Variants in DOCK3 observed in about 807,000 individuals in gnomAD.
DOCK3 encodes the protein dedicator of cytokinesis 3.
A neutral mutation model predicts 265.6 loss-of-function variants in DOCK3; 60 were observed. The observed-to-expected ratio is 0.23, with a 90% CI of 0.18 to 0.28. DOCK3 has a LOEUF of 0.28. Among genes scored for constraint, DOCK3 ranks in the 10% least tolerant of loss-of-function variants. The probability of loss-of-function intolerance (pLI) is 1.00; values close to 1 mark genes in which losing one functional copy is unlikely to be tolerated. For synonymous variants in DOCK3, 881 were observed against 938.0 expected (o/e 0.94, Z 1.11); for missense variants, 1,981 against 2,594.3 (o/e 0.76, Z 5.14).
chr3:51,380,139 C>T lies in DOCK3; in HGVS notation c.5515C>T (p.His1839Tyr), dbSNP rs1553618061. Residue 1839 changes from histidine (H) to tyrosine (Y), a missense_variant, in exon 52 of 53, where the codon CAC becomes TAC. Physicochemically the swap from His to Tyr is moderately conservative, Grantham distance 83. This residue lies in a region of DOCK3 where 1,357 missense variants were observed against 1,866.8 expected (regional missense o/e 0.73). Coordinates refer to ENST00000266037, the MANE Select transcript of DOCK3 (RefSeq NM_004947.5). ...SVAEKGHYSLHFDAFHHPLGD... is the reference protein window; with the variant it reads ...SVAEKGHYSLYFDAFHHPLGD... ...TCCCTTTGCAGGTCATTACTCCCTA[C>T]ACTTTGACGCCTTCCACCACCCTCT... is the stretch of plus-strand genomic sequence containing the variant. 3 of 1,613,700 alleles carry T rather than the reference C, an allele frequency of 1.9e-6. No individual in the cohort carries two copies. In the East Asian group the frequency reaches 6.7e-5, roughly 36 times the overall value.
At chr3:50,736,862 A>G (rs1204015892) in intron 1 of DOCK3, among the ~76,000 whole-genome samples, 1 of 151,656 alleles carries the variant, frequency 6.6e-6, no homozygotes, top group African/African-American at 2.4e-5. Context: ...ATGCCCGGCT[A>G]ATTTTTTGTA....
chr3:51,204,767 A>G (rs1252530750), intron 12 of DOCK3, among the ~76,000 whole-genome samples: 1 of 151,894 alleles, frequency 6.6e-6, no homozygotes, highest in Non-Finnish European at 1.5e-5. Flanking sequence ...GAACCAACCC[A>G]AATGTACAAC....
chr3:51,361,590 T>C lies in DOCK3; in HGVS notation c.5007-269T>C, dbSNP rs575099651. 6.6e-6 allele frequency among the ~76,000 whole-genome samples: 1 copy of C among 152,264 alleles called. No individual in the cohort carries two copies. The highest frequency in any genetic ancestry group is 2.1e-4 in the South Asian group (1 of 4,828). ...TCCTCCTGAGAAACTGCTAATGTCATGCAACTGAGTGGCCATAAGCCATGT... is the reference window on the plus strand; with the variant it reads ...TCCTCCTGAGAAACTGCTAATGTCACGCAACTGAGTGGCCATAAGCCATGT... On this transcript the variant is annotated intron_variant, in intron 47 of 52. Transcript: ENST00000266037. The surrounding 1 kb of genome is among the most constrained non-coding windows in gnomAD (Gnocchi z 4.2).
intron 33 of DOCK3, among the ~76,000 whole-genome samples, chr3:51,332,161 G>A (rs559368722): frequency 5.3e-5 from 8 of 152,306 alleles, no homozygotes; most frequent in African/African-American, 1.9e-4. Flanking sequence ...TGCCACCCCA[G>A]GTGACTCTCA....
chr3:51,129,918 T>C (rs2084442725), intron 9 of DOCK3, among the ~76,000 whole-genome samples: 1 of 152,122 alleles, frequency 6.6e-6, no homozygotes, highest in Non-Finnish European at 1.5e-5. Flanking sequence ...CTCAAAACGG[T>C]CAGGTCACTT....
At chr3:51,079,874 G>T (rs758969546) in intron 7 of DOCK3, among the ~76,000 whole-genome samples, 4 of 152,110 alleles carry the variant, frequency 2.6e-5, no homozygotes, top group Admixed American at 6.5e-5. Context: ...CTAAACTGTG[G>T]CAAGATCTAA....
In DOCK3 at chr3:51,275,182, C is replaced by T; in HGVS notation, c.2652C>T (p.Phe884=). 2 of 1,614,012 alleles carry T rather than the reference C, an allele frequency of 1.2e-6. No homozygotes were observed. Among genetic ancestry groups the T allele is most frequent in the Non-Finnish European group, 1.7e-6 (2 of 1,179,882 alleles). ...GCTCAGGGATTCTTGGCAGCATCTT[C>T]TCCATCGTCAAGACCAGCTCTCTGG... is the stretch of plus-strand genomic sequence containing the variant. ...LICSGILGSI[F]SIVKTSSLEA... The change falls in exon 25 of 53, where the codon TTC becomes TTT. Residue 884 remains phenylalanine (F), a synonymous_variant. Transcript: ENST00000266037.
intron 22 of DOCK3, among the ~76,000 whole-genome samples, chr3:51,247,222 A>T (rs1003965726): frequency 1.3e-5 from 2 of 152,244 alleles, no homozygotes; most frequent in Non-Finnish European, 2.9e-5. Flanking sequence ...AAGTAAAAAG[A>T]GCTGAGTGGA....
intron 9 of DOCK3, among the ~76,000 whole-genome samples, chr3:51,126,369 G>A (rs1320245989): frequency 6.6e-6 from 1 of 152,098 alleles, no homozygotes; most frequent in South Asian, 2.1e-4. Context: ...TGGCATCGGG[G>A]GCCAAGCATG....
chr3:51,083,149 A>G (rs1319190059), intron 7 of DOCK3, among the ~76,000 whole-genome samples: 1 of 152,066 alleles, frequency 6.6e-6, no homozygotes, highest in African/African-American at 2.4e-5. Flanking sequence ...TCTACTAACA[A>G]CCACAGTCTA....
intron 4 of DOCK3, among the ~76,000 whole-genome samples, chr3:50,917,174 A>C (rs2050173482): frequency 6.6e-6 from 1 of 152,068 alleles, no homozygotes; most frequent in Non-Finnish European, 1.5e-5. Context: ...TTTGGGTCTA[A>C]ATATTATTCT....
intron 4 of DOCK3, among the ~76,000 whole-genome samples, chr3:50,892,967 C>A (rs2048711046): frequency 6.6e-6 from 1 of 152,064 alleles, no homozygotes; most frequent in Non-Finnish European, 1.5e-5. Context: ...AAGAGATGGG[C>A]AGCTTACTGT....
intron 1 of DOCK3, among the ~76,000 whole-genome samples, chr3:50,687,553 G>A (rs1022960903): frequency 7.9e-5 from 12 of 152,198 alleles, no homozygotes; most frequent in Non-Finnish European, 1.0e-4. Flanking sequence ...TATGCTCTGC[G>A]TCCATTTCCT....
In DOCK3 at chr3:50,886,187, G is replaced by GATAT. The variant is rs141280910; in HGVS notation, c.163-3820_163-3817dup. Among the ~76,000 whole-genome samples the GATAT allele has an allele frequency of 7.4e-3, 985 of 132,746 alleles. 31 individuals carry two copies. In the South Asian group the frequency reaches 0.09, roughly 12 times the overall value. 87.1% of individuals were successfully genotyped at this position (132,746 alleles called of 152,430 possible). A position where few individuals can be genotyped will look rare whatever the true frequency, so the allele number is the denominator to read the frequency against. The stretch of plus-strand genomic sequence containing the variant: ...CTTTCAGAATATTTTTTATTTTGGA[G>GATAT]ATATATATATATATATATATATTCC... On this transcript the variant is annotated intron_variant, in intron 3 of 52. Transcript: ENST00000266037.
chr3:51,058,104 A>G (rs185546636), intron 5 of DOCK3, among the ~76,000 whole-genome samples: 1 of 152,290 alleles, frequency 6.6e-6, no homozygotes, highest in East Asian at 1.9e-4. Context: ...CAGCTGGGCT[A>G]GGTATCCAAG....
At chr3:51,312,966 C>A (rs1308243939) in intron 31 of DOCK3, 64 bp downstream of exon 31, 3 of 1,402,740 alleles carry the variant, frequency 2.1e-6, no homozygotes, top group Non-Finnish European at 3.0e-6. Flanking sequence ...AGTAGCAAGA[C>A]TAATAACATC....
intron 5 of DOCK3, among the ~76,000 whole-genome samples, chr3:50,991,774 A>T (rs990927122): frequency 7.2e-5 from 11 of 152,206 alleles, no homozygotes; most frequent in Admixed American, 7.2e-4. Context: ...CACCAAAAAA[A>T]AACAACAGAA....
At chr3:51,054,867 T>G (rs1413922854) in intron 5 of DOCK3, among the ~76,000 whole-genome samples, 1 of 152,208 alleles carries the variant, frequency 6.6e-6, no homozygotes, top group Non-Finnish European at 1.5e-5. Context: ...AAAATATTAA[T>G]TATTTTTTCT....
chr3:50,790,573 G>A (rs890111419), intron 2 of DOCK3, among the ~76,000 whole-genome samples: 1 of 150,208 alleles, frequency 6.7e-6, no homozygotes, highest in South Asian at 2.1e-4. Flanking sequence ...CTTCATTTAC[G>A]AAGCTTAGTT....
Sources: gnomAD v4.1 joint callset for allele counts (sites outside exome capture counted in the v4.1 genomes callset) on GRCh38, gnomAD v4.1.1 for gene constraint, gnomAD v4.1.1 regional missense constraint, Gnocchi (gnomAD v3.1) non-coding constraint, MANE v1.5 for transcripts, NCBI Gene and HGNC (gene_info 2026-07-23, HGNC 2026-07-21) for gene names.